POLR2B: variants seen among roughly 807,000 people sequenced by gnomAD.
POLR2B encodes DNA-directed RNA polymerase II subunit RPB2.
POLR2B carries 57 observed loss-of-function variants against 144.6 expected under a neutral mutation model. The observed-to-expected ratio is 0.39, with a 90% CI of 0.32 to 0.49. POLR2B has a LOEUF of 0.49. Ranked by LOEUF, POLR2B falls within the 20% of genes least tolerant of loss-of-function variation. The probability of loss-of-function intolerance (pLI) is 0.83; values close to 1 mark genes in which losing one functional copy is unlikely to be tolerated. For synonymous variants in POLR2B, 442 were observed against 469.8 expected (o/e 0.94, Z 0.77); for missense variants, 595 against 1,467.4 (o/e 0.41, Z 9.71).
chr4:57,006,783 A>G (rs753979147), intron 9 of POLR2B, 33 bp from the exon 10 acceptor site: 1 of 1,531,418 alleles, frequency 6.5e-7, no homozygotes, highest in South Asian at 1.1e-5. Flanking sequence ...GTAGACCTCT[A>G]CATGTTTAAA....
intron 3 of POLR2B, 55 bp from the exon 4 acceptor site, chr4:56,994,349 A>G: frequency 1.1e-6 from 1 of 935,182 alleles, no homozygotes; most frequent in Non-Finnish European, 1.7e-6. Flanking sequence ...GGAATCACTA[A>G]AACTTTTATG....
At chr4:57,025,306 A>G in intron 22 of POLR2B, 71 bp from the exon 23 acceptor site, 1 of 1,054,626 alleles carries the variant, frequency 9.5e-7, no homozygotes, top group Non-Finnish European at 1.5e-6. Flanking sequence ...GAGTAACACA[A>G]TATATACACA....
chr4:57,030,460 A>T (rs1306325461), intron 24 of POLR2B, 61 bp downstream of exon 24: 8 of 1,267,346 alleles, frequency 6.3e-6, no homozygotes, highest in South Asian at 4.1e-5. Flanking sequence ...TGGTCTGATT[A>T]TCCAGGCAGA....
intron 2 of POLR2B, among the ~76,000 whole-genome samples, chr4:56,989,829 T>C (rs1461348653): frequency 1.3e-5 from 2 of 152,158 alleles, no homozygotes; most frequent in Non-Finnish European, 2.9e-5. Context: ...TAGGGAGTGA[T>C]CTGTTGAGAT....
chr4:56,992,492 A>AAG (rs760090936), intron 3 of POLR2B, among the ~76,000 whole-genome samples: 17,329 of 88,298 alleles, frequency 0.2, 4,039 homozygotes, highest in Non-Finnish European at 0.24. Flanking sequence ...AAAAAAAAAA[A>AAG]GAAAAGAAAA....
chr4:57,023,210 G>T lies in POLR2B; in HGVS notation c.2516-120G>T. 1 of 829,074 alleles carries T rather than the reference G, an allele frequency of 1.2e-6. No individual in the cohort carries two copies. Among genetic ancestry groups the T allele is most frequent in the East Asian group, 2.5e-5 (1 of 39,774 alleles). 51.4% of individuals were successfully genotyped at this position (829,074 alleles called of 1,614,324 possible). A position where few individuals can be genotyped will look rare whatever the true frequency, so the allele number is the denominator to read the frequency against. On this transcript the variant is annotated intron_variant, in intron 18 of 24. Coordinates refer to ENST00000314595, the MANE Select transcript of POLR2B (RefSeq NM_000938.3). This position sits in a 1 kb window ranked among gnomAD's most constrained non-coding sequence, Gnocchi z 4.3. ...GAATAGTTTGTAATATTTGGAATAA[G>T]GGTGTGATTCATGGTATAGAGACTC...
intron 1 of POLR2B, among the ~76,000 whole-genome samples, chr4:56,979,806 G>A (rs756382276): frequency 6.6e-6 from 1 of 151,640 alleles, no homozygotes; most frequent in Non-Finnish European, 1.5e-5. Context: ...GGCTGAGGCC[G>A]GACGATCGCT....
rs1489230915 is a variant in POLR2B at position 57,023,145 on chromosome 4, T to A, written c.2516-185T>A. 1 of 535,262 alleles carries A rather than the reference T, an allele frequency of 1.9e-6. No individual in the cohort carries two copies. Among genetic ancestry groups the A allele is most frequent in the East Asian group, 3.0e-5 (1 of 32,984 alleles). The allele number at this position is 535,262 out of a possible 1,614,324, so 33.2% of individuals were successfully genotyped here. ...CAATGTTCTTTTCCTTCATAGACTT[T>A]TTTTTTTGTTTTCTGTGTGGGCTGT... is the stretch of plus-strand genomic sequence containing the variant. On this transcript the variant is annotated intron_variant, in intron 18 of 24. Coordinates refer to ENST00000314595, the MANE Select transcript of POLR2B (RefSeq NM_000938.3). This position sits in a 1 kb window ranked among gnomAD's most constrained non-coding sequence, Gnocchi z 4.3.
chr4:57,028,648 G>A (rs1723800122), intron 23 of POLR2B, among the ~76,000 whole-genome samples: 1 of 152,082 alleles, frequency 6.6e-6, no homozygotes, highest in South Asian at 2.1e-4. Flanking sequence ...TTTTATTCAT[G>A]TTTCCACCAT....
rs59059584 is a variant in POLR2B, at chr4:56,996,206, A to ATGTGTGTGTGTGTGTGTGTG, written c.735+811_735+830dup. 7.4e-3 allele frequency among the ~76,000 whole-genome samples: 847 copies of ATGTGTGTGTGTGTGTGTGTG among 115,202 alleles called. 4 individuals are homozygous for ATGTGTGTGTGTGTGTGTGTG. Among genetic ancestry groups the ATGTGTGTGTGTGTGTGTGTG allele is most frequent in the Middle Eastern group, 0.017 (4 of 230 alleles). 75.6% of individuals were successfully genotyped at this position (115,202 alleles called of 152,430 possible). On this transcript the variant is annotated intron_variant, in intron 6 of 24. Coordinates refer to ENST00000314595, the MANE Select transcript of POLR2B (RefSeq NM_000938.3). ...TCTTGGAAAACCTCTATTTCAGTTCATGTGTGTGTGTGTGTGTGTGTGTGT... is the reference window on the plus strand; with the variant it reads ...TCTTGGAAAACCTCTATTTCAGTTCATGTGTGTGTGTGTGTGTGTGTGTGTGTGTGTGTGTGTGTGTGTGT...
chr4:56,985,471 G>A (rs1045732280), intron 1 of POLR2B: 4 of 985,166 alleles, frequency 4.1e-6, no homozygotes, highest in East Asian at 1.1e-4. Context: ...AGTGAGAGGC[G>A]GGCCCTGCAA....
At chr4:57,029,548 T>C (rs1207330652) in intron 23 of POLR2B, among the ~76,000 whole-genome samples, 1 of 152,202 alleles carries the variant, frequency 6.6e-6, no homozygotes, top group Non-Finnish European at 1.5e-5. Flanking sequence ...AAGGAAGCCA[T>C]CACCATCTAT....
intron 13 of POLR2B, among the ~76,000 whole-genome samples, chr4:57,013,949 T>TA (rs11310734): frequency 0.044 from 5,994 of 135,600 alleles, 322 homozygotes; most frequent in East Asian, 0.25. Context: ...ATGTTTATAT[T>TA]AAAAAAAAAA....
intron 1 of POLR2B, 110 bp from the exon 2 acceptor site, chr4:56,986,244 T>C (rs1722327020): frequency 1.3e-6 from 1 of 777,418 alleles, no homozygotes; most frequent in Admixed American, 1.7e-5. Flanking sequence ...GTGAAAGCAT[T>C]ACTTATTCAG....
At chr4:57,000,285 C>T (rs1192414241) in intron 7 of POLR2B, among the ~76,000 whole-genome samples, 1 of 152,124 alleles carries the variant, frequency 6.6e-6, no homozygotes, top group African/African-American at 2.4e-5. Flanking sequence ...AAAAGGTTAA[C>T]CAGGCATGGT....
At chr4:56,988,501 C>CT (rs776632326) in intron 2 of POLR2B, among the ~76,000 whole-genome samples, 44 of 148,966 alleles carry the variant, frequency 3.0e-4, no homozygotes, top group East Asian at 2.4e-3. Flanking sequence ...CTGTCTATCT[C>CT]TTTTTTTTTT....
intron 6 of POLR2B, among the ~76,000 whole-genome samples, chr4:56,998,082 A>G (rs1722744382): frequency 6.6e-6 from 1 of 152,258 alleles, no homozygotes. Flanking sequence ...GGATGAGTCA[A>G]TTAAGATACT....
At chr4:57,006,364 G>A (rs1403767932) in intron 9 of POLR2B, among the ~76,000 whole-genome samples, 1 of 152,130 alleles carries the variant, frequency 6.6e-6, no homozygotes, top group African/African-American at 2.4e-5. Flanking sequence ...GAGTGCAATG[G>A]TGCCATCTCG....
chr4:57,000,708 G>T (rs184438191), intron 7 of POLR2B, among the ~76,000 whole-genome samples: 3 of 151,504 alleles, frequency 2.0e-5, no homozygotes, highest in Non-Finnish European at 2.9e-5. Context: ...GTTTTTTTTG[G>T]GGGGGAGGAT....
Sources: gnomAD v4.1 joint callset for allele counts (sites outside exome capture counted in the v4.1 genomes callset) on GRCh38, gnomAD v4.1.1 for gene constraint, Gnocchi (gnomAD v3.1) non-coding constraint, MANE v1.5 for transcripts, NCBI Gene and HGNC (gene_info 2026-07-23, HGNC 2026-07-21) for gene names.